ENTPD5: variants seen among roughly 807,000 people sequenced by gnomAD.
The protein encoded by ENTPD5 is nucleoside diphosphate phosphatase ENTPD5.
In ENTPD5, 49 loss-of-function variants were observed where a neutral mutation model predicts 60.2. The ratio of observed to expected loss-of-function variants is 0.81; its 90% confidence interval spans 0.65 to 1.03. ENTPD5 has a LOEUF of 1.03. Ranked by LOEUF, ENTPD5 falls within the 50% of genes least tolerant of loss-of-function variation. ENTPD5 has a pLI of 0.00. For missense variants in ENTPD5, 480 were observed against 507.6 expected (o/e 0.95, Z 0.52); for synonymous variants, 187 against 185.4 (o/e 1.01, Z -0.07).
chr14:74,001,377 C>T (rs2140784365), intron 3 of ENTPD5, among the ~76,000 whole-genome samples: 1 of 151,890 alleles, frequency 6.6e-6, no homozygotes, highest in Non-Finnish European at 1.5e-5. Flanking sequence ...TGGCGGGTGC[C>T]TATAGTCCCA....
chr14:73,986,757 G>C (rs2057916503), intron 5 of ENTPD5, 57 bp downstream of exon 5: 5 of 1,161,104 alleles, frequency 4.3e-6, no homozygotes, highest in East Asian at 2.3e-5. Context: ...AACAGCAGTG[G>C]TGTGGTCAAG....
chr14:73,973,790 CT>C, intron 12 of ENTPD5, 86 bp downstream of exon 12: 1 of 1,141,484 alleles, frequency 8.8e-7, no homozygotes. Flanking sequence ...ATAAGCTTCT[CT>C]TGAGTTCTGG....
intron 3 of ENTPD5, among the ~76,000 whole-genome samples, chr14:73,990,794 C>T (rs1320829772): frequency 6.6e-6 from 1 of 151,646 alleles, no homozygotes; most frequent in Non-Finnish European, 1.5e-5. Context: ...TTTGGGAGGC[C>T]GAGGCAGGTG....
chr14:73,972,809 GCT>G, intron 13 of ENTPD5, 73 bp downstream of exon 13: 1 of 1,532,898 alleles, frequency 6.5e-7, no homozygotes. Flanking sequence ...CACCTCAAGT[GCT>G]CTTTCTCCTT....
intron 3 of ENTPD5, among the ~76,000 whole-genome samples, chr14:74,008,491 C>T (rs1020033890): frequency 3.3e-5 from 5 of 151,638 alleles, no homozygotes; most frequent in African/African-American, 9.7e-5. Flanking sequence ...CGCAGGTTCA[C>T]GCCACCATTC....
chr14:74,005,320 G>A (rs1229268993), intron 3 of ENTPD5, among the ~76,000 whole-genome samples: 9 of 137,548 alleles, frequency 6.5e-5, no homozygotes, highest in South Asian at 2.4e-4. Flanking sequence ...TAAACCAGGC[G>A]TGGTGGCTCA....
intron 10 of ENTPD5, among the ~76,000 whole-genome samples, 165 bp from the exon 11 acceptor site, chr14:73,975,150 C>T (rs952372302): frequency 6.6e-6 from 1 of 152,138 alleles, no homozygotes; most frequent in African/African-American, 2.4e-5. Flanking sequence ...GTAATTTCTG[C>T]ACAGTTTGGA....
intron 6 of ENTPD5, among the ~76,000 whole-genome samples, chr14:73,979,109 C>T (rs1594871213): frequency 6.6e-6 from 1 of 152,212 alleles, no homozygotes. Context: ...GCCTTTGCAC[C>T]TGCTGTTTCT....
At chr14:74,001,418 C>T (rs998515569) in intron 3 of ENTPD5, among the ~76,000 whole-genome samples, 3 of 151,658 alleles carry the variant, frequency 2.0e-5, no homozygotes, top group African/African-American at 7.3e-5. Context: ...AGGAGAATGA[C>T]GTGAACCTGG....
intron 6 of ENTPD5, among the ~76,000 whole-genome samples, chr14:73,981,053 C>T (rs1469272493): frequency 6.6e-6 from 1 of 151,934 alleles, no homozygotes; most frequent in Non-Finnish European, 1.5e-5. Context: ...GACCTGAGGT[C>T]GCACTACTGC....
At chr14:73,974,575 C>A (rs958735902) in intron 11 of ENTPD5, among the ~76,000 whole-genome samples, 26 of 152,184 alleles carry the variant, frequency 1.7e-4, no homozygotes, top group Non-Finnish European at 3.1e-4. Context: ...GCATGTAGAA[C>A]AGACTCTGCT....
intron 3 of ENTPD5, among the ~76,000 whole-genome samples, chr14:73,998,378 G>A (rs1377170983): frequency 6.6e-6 from 1 of 152,064 alleles, no homozygotes; most frequent in Non-Finnish European, 1.5e-5. Flanking sequence ...CTAGAAGCAA[G>A]GAGCTCCCTG....
chr14:74,011,812 G>T (rs961077366), intron 2 of ENTPD5, among the ~76,000 whole-genome samples: 2 of 151,990 alleles, frequency 1.3e-5, no homozygotes, highest in African/African-American at 4.8e-5. Context: ...ATCAATGAGT[G>T]GCTACTTACT....
Position 73,965,216 on chromosome 14 carries a change from G to A in ENTPD5, c.*1712C>T, listed in dbSNP as rs2056923735. On this transcript the variant is annotated 3_prime_UTR_variant, in exon 16 of 16. Transcript: ENST00000334696. ...TCAATGGAGTAATGTTAAAAATAAG[G>A]TTTCCCATGGACTGTGTGAGGGCCA... 1 of 152,160 alleles carries A rather than the reference G, an allele frequency of 6.6e-6. No homozygotes were observed. The highest frequency in any genetic ancestry group is 2.4e-5 in the African/African-American group (1 of 41,430). 9.4% of individuals were successfully genotyped at this position (152,160 alleles called of 1,614,324 possible).
In ENTPD5 at chr14:73,998,505, T is replaced by A. The variant is rs1218491979; in HGVS notation, c.-70-10333A>T. 5.3e-4 allele frequency among the ~76,000 whole-genome samples: 81 copies of A among 152,150 alleles called. 1 individual carries two copies. The highest frequency in any genetic ancestry group is 1.5e-5 in the Non-Finnish European group (1 of 68,030). ...ATTCCAGAAATTAGCAATTTCTTAC[T>A]GCTGCTTACAAGTACAGCACACAAA... On this transcript the variant is annotated intron_variant, in intron 3 of 15. Transcript: ENST00000334696.
chr14:73,955,544 C>G, downstream of ENTPD5: 1 of 1,587,846 alleles, frequency 6.3e-7, no homozygotes, highest in Non-Finnish European at 8.7e-7. Flanking sequence ...GTCAAGATGT[C>G]TTGGTCTGTC....
intron 3 of ENTPD5, among the ~76,000 whole-genome samples, chr14:74,002,874 C>T (rs908873464): frequency 2.0e-5 from 3 of 152,162 alleles, no homozygotes; most frequent in Admixed American, 1.3e-4. Context: ...TGCTTCCATC[C>T]CCACTACATC....
intron 5 of ENTPD5, among the ~76,000 whole-genome samples, chr14:73,986,002 G>A (rs527764827): frequency 1.2e-4 from 18 of 150,634 alleles, no homozygotes; most frequent in African/African-American, 4.4e-4. Context: ...AACCCGCGAG[G>A]CAGAGGTTGT....
At chr14:73,992,701 A>G (rs953836532) in intron 3 of ENTPD5, among the ~76,000 whole-genome samples, 5 of 150,490 alleles carry the variant, frequency 3.3e-5, no homozygotes, top group African/African-American at 9.8e-5. Flanking sequence ...AAAAAAAAAA[A>G]GCAAATTAAA....
Sources: allele counts gnomAD v4.1 joint callset (sites outside exome capture counted in the v4.1 genomes callset), GRCh38; gene constraint gnomAD v4.1.1; transcripts MANE v1.5; gene names NCBI Gene and HGNC (gene_info 2026-07-23, HGNC 2026-07-21).